VWC2L: variants seen among roughly 807,000 people sequenced by gnomAD.
VWC2L encodes the protein von Willebrand factor C domain containing 2 like.
VWC2L carries 10 observed loss-of-function variants against 21.6 expected under a neutral mutation model. The observed-to-expected ratio is 0.46, with a 90% CI of 0.29 to 0.78. VWC2L has a LOEUF of 0.78. Ranked by LOEUF, VWC2L falls within the 30% of genes least tolerant of loss-of-function variation. The probability of loss-of-function intolerance (pLI) is 0.10; values close to 1 mark genes in which losing one functional copy is unlikely to be tolerated. For missense variants in VWC2L, 209 were observed against 277.1 expected (o/e 0.75, Z 1.74); for synonymous variants, 96 against 94.3 (o/e 1.02, Z -0.10).
chr2:214,449,847 T>C (rs558812073), intron 3 of VWC2L, among the ~76,000 whole-genome samples: 2 of 152,346 alleles, frequency 1.3e-5, no homozygotes, highest in Admixed American at 1.3e-4. Context: ...TCAGGGTGGA[T>C]AACTAGCCAG....
At chr2:214,534,777 C>G (rs750881835) in intron 3 of VWC2L, among the ~76,000 whole-genome samples, 1 of 152,098 alleles carries the variant, frequency 6.6e-6, no homozygotes, top group African/African-American at 2.4e-5. Context: ...AGTGTTAACT[C>G]CAGTTCTGAA....
intron 3 of VWC2L, among the ~76,000 whole-genome samples, chr2:214,464,576 T>G (rs1703189307): frequency 6.6e-6 from 1 of 152,078 alleles, no homozygotes; most frequent in South Asian, 2.1e-4. Context: ...TAGACAGCAC[T>G]GGGTCAGATA....
At chr2:214,492,967 C>T (rs1335604409) in intron 3 of VWC2L, among the ~76,000 whole-genome samples, 3 of 152,148 alleles carry the variant, frequency 2.0e-5, no homozygotes, top group Admixed American at 2.0e-4. Flanking sequence ...ATCCCCTGGC[C>T]AAGCGTTTAT....
rs1331761015 is a variant in VWC2L at position 214,414,351 on chromosome 2, G to A, written c.158G>A (p.Cys53Tyr). 2 of 1,613,866 alleles carry A rather than the reference G, an allele frequency of 1.2e-6. No homozygotes were observed. The highest frequency in any genetic ancestry group is 8.5e-7 in the Non-Finnish European group (1 of 1,179,830). Residue 53 changes from cysteine to tyrosine, a missense_variant, in exon 2 of 4, where the codon TGT (cysteine) becomes TAT (tyrosine). Coordinates refer to ENST00000312504, the MANE Select transcript of VWC2L (RefSeq NM_001080500.4). ...TTTGATGACTATCGAGGGAAAGGGT[G>A]TGTCGATGACAGCGGCTTTGTATAC... is the stretch of plus-strand genomic sequence containing the variant. ...LIFDDYRGKGCVDDSGFVYKL... is the reference protein window; with the variant it reads ...LIFDDYRGKGYVDDSGFVYKL...
At chr2:214,432,507 T>C (rs1175945156) in intron 2 of VWC2L, among the ~76,000 whole-genome samples, 1 of 152,204 alleles carries the variant, frequency 6.6e-6, no homozygotes, top group African/African-American at 2.4e-5. Context: ...ATGGGTTCGT[T>C]GCTTTTCATT....
At chr2:214,501,328 G>A (rs551712533) in intron 3 of VWC2L, among the ~76,000 whole-genome samples, 3 of 152,258 alleles carry the variant, frequency 2.0e-5, no homozygotes, top group African/African-American at 7.2e-5. Context: ...GTTCTCTCCA[G>A]CTCTGGTGGA....
intron 3 of VWC2L, among the ~76,000 whole-genome samples, chr2:214,535,273 A>G (rs748292360): frequency 1.3e-4 from 20 of 152,060 alleles, no homozygotes; most frequent in Non-Finnish European, 2.4e-4. Context: ...CACCAGTCAA[A>G]TTCTTTACTG....
chr2:214,564,471 G>GT (rs11399388), intron 3 of VWC2L, among the ~76,000 whole-genome samples: 103,281 of 150,806 alleles, frequency 0.68, 37,008 homozygotes, highest in East Asian at 0.83. Flanking sequence ...AAAAATTGAT[G>GT]TTTTTTTTTA....
intron 3 of VWC2L, among the ~76,000 whole-genome samples, chr2:214,564,480 T>TA (rs1559332671): frequency 3.3e-5 from 5 of 149,278 alleles, no homozygotes; most frequent in South Asian, 2.2e-4. Context: ...TGTTTTTTTT[T>TA]ATATTTCCAG....
intron 3 of VWC2L, among the ~76,000 whole-genome samples, chr2:214,539,542 G>A (rs1689593922): frequency 6.6e-6 from 1 of 152,118 alleles, no homozygotes. Flanking sequence ...AAACTGAGAA[G>A]CTAAAATTTC....
At chr2:214,434,340 G>T (rs1702646124) in intron 2 of VWC2L, among the ~76,000 whole-genome samples, 1 of 152,120 alleles carries the variant, frequency 6.6e-6, no homozygotes, top group South Asian at 2.1e-4. Context: ...CTCCAAGAAT[G>T]TAACACTTGT....
intron 2 of VWC2L, among the ~76,000 whole-genome samples, chr2:214,433,041 AG>A (rs1702623854): frequency 6.6e-6 from 1 of 150,798 alleles, no homozygotes; most frequent in Non-Finnish European, 1.5e-5. Flanking sequence ...AAAAAAAAAA[AG>A]TATGTATTCA....
intron 1 of VWC2L, among the ~76,000 whole-genome samples, chr2:214,412,665 A>T (rs1702296395): frequency 1.3e-5 from 2 of 152,100 alleles, no homozygotes; most frequent in South Asian, 2.1e-4. Flanking sequence ...AAGAGGGCAT[A>T]CTACCTTCCA....
chr2:214,519,781 C>A (rs1305137691), intron 3 of VWC2L, among the ~76,000 whole-genome samples: 1 of 152,146 alleles, frequency 6.6e-6, no homozygotes, highest in Non-Finnish European at 1.5e-5. Context: ...TTGGTGCATT[C>A]ACTTGCACCC....
intron 3 of VWC2L, among the ~76,000 whole-genome samples, chr2:214,456,332 G>A (rs1419797291): frequency 6.6e-6 from 1 of 152,066 alleles, no homozygotes; most frequent in East Asian, 1.9e-4. Flanking sequence ...CTATTGGCAT[G>A]TCTTCTTTTG....
intron 3 of VWC2L, among the ~76,000 whole-genome samples, chr2:214,535,957 T>C (rs1385845811): frequency 6.6e-6 from 1 of 152,050 alleles, no homozygotes; most frequent in Non-Finnish European, 1.5e-5. Flanking sequence ...AACCTAAGCT[T>C]TACCTGGGCA....
chr2:214,425,854 T>C (rs1024556380), intron 2 of VWC2L, among the ~76,000 whole-genome samples: 2 of 152,084 alleles, frequency 1.3e-5, no homozygotes, highest in Non-Finnish European at 2.9e-5. Context: ...TAGCTTATGA[T>C]GACTGCTCTA....
At chr2:214,546,305 C>T (rs890557858) in intron 3 of VWC2L, among the ~76,000 whole-genome samples, 4 of 152,134 alleles carry the variant, frequency 2.6e-5, no homozygotes, top group African/African-American at 9.7e-5. Context: ...AGTTTGATTT[C>T]CATATGCTCA....
At chr2:214,467,273 C>T (rs562780092) in intron 3 of VWC2L, among the ~76,000 whole-genome samples, 2 of 152,310 alleles carry the variant, frequency 1.3e-5, no homozygotes, top group South Asian at 4.1e-4. Context: ...AACTTGTTTC[C>T]CCACATGTAT....
Sources: allele counts gnomAD v4.1 joint callset (sites outside exome capture counted in the v4.1 genomes callset), GRCh38; gene constraint gnomAD v4.1.1; transcripts MANE v1.5; gene names NCBI Gene and HGNC (gene_info 2026-07-23, HGNC 2026-07-21).